UGT2A2: variants seen among roughly 807,000 people sequenced by gnomAD.
UGT2A2 encodes UDP glucuronosyltransferase family 2 member A2.
UGT2A2 carries 60 observed loss-of-function variants against 50.7 expected under a neutral mutation model. The ratio of observed to expected loss-of-function variants is 1.18; its 90% CI spans 0.96 to 1.47. UGT2A2 has a LOEUF of 1.47. UGT2A2 is among the 40% of genes most tolerant of loss of function. The pLI, the probability that UGT2A2 is intolerant of heterozygous loss-of-function variation, is 0.00. For synonymous variants in UGT2A2, 242 were observed against 214.6 expected, an observed-to-expected ratio of 1.13 and a Z score of -1.11; for missense variants, 762 against 634.0, an observed-to-expected ratio of 1.20 and a Z score of -2.17.
intron 1 of UGT2A2, among the ~76,000 whole-genome samples, chr4:69,634,861 A>G (rs1395755483): frequency 6.6e-6 from 1 of 152,160 alleles, no homozygotes; most frequent in Non-Finnish European, 1.5e-5. Flanking sequence ...GAATGAGACA[A>G]AATGCCCATT....
intron 1 of UGT2A2, among the ~76,000 whole-genome samples, chr4:69,625,064 A>G (rs1204193022): frequency 6.6e-6 from 1 of 151,236 alleles, no homozygotes; most frequent in Non-Finnish European, 1.5e-5. Flanking sequence ...TGCTGGGAAT[A>G]TATGTATTAA....
intron 1 of UGT2A2, among the ~76,000 whole-genome samples, chr4:69,629,270 C>T (rs1408041776): frequency 2.0e-5 from 3 of 152,094 alleles, no homozygotes; most frequent in African/African-American, 7.2e-5. Context: ...GAATAGCGTT[C>T]ATTCAGGAGG....
At chr4:69,615,768 G>A (rs1286187677) in intron 1 of UGT2A2, among the ~76,000 whole-genome samples, 1 of 151,988 alleles carries the variant, frequency 6.6e-6, no homozygotes, top group Non-Finnish European at 1.5e-5. Context: ...ACAAATGCTG[G>A]TGAGGATATG....
intron 5 of UGT2A2, among the ~76,000 whole-genome samples, chr4:69,590,676 T>C (rs1288193501): frequency 6.6e-6 from 1 of 152,022 alleles, no homozygotes; most frequent in African/African-American, 2.4e-5. Context: ...TGTCTGTCTG[T>C]CTAGTGAAAA....
chr4:69,634,225 A>G (rs1309171809), intron 1 of UGT2A2, among the ~76,000 whole-genome samples: 1 of 151,778 alleles, frequency 6.6e-6, no homozygotes, highest in African/African-American at 2.4e-5. Context: ...AGCCTGAGCG[A>G]CAGAGCGAGA....
chr4:69,603,702 C>G (rs1719433685), intron 1 of UGT2A2: 1 of 135,740 alleles, frequency 7.4e-6, no homozygotes, highest in African/African-American at 3.0e-5. Context: ...CTAGAATCAC[C>G]AATGAAGAAA....
chr4:69,624,153 G>A (rs867926411), intron 1 of UGT2A2, among the ~76,000 whole-genome samples: 10 of 151,166 alleles, frequency 6.6e-5, no homozygotes, highest in African/African-American at 1.9e-4. Flanking sequence ...CTTTCTTTAC[G>A]TTGATCCTCT....
intron 1 of UGT2A2, among the ~76,000 whole-genome samples, chr4:69,600,631 T>G (rs73824169): frequency 6.6e-6 from 1 of 152,090 alleles, no homozygotes; most frequent in Admixed American, 6.5e-5. Flanking sequence ...TTTATTTTTT[T>G]AAAAAGAGGT....
chr4:69,592,524 G>C (rs1835826), intron 5 of UGT2A2, among the ~76,000 whole-genome samples: 27,636 of 152,120 alleles, frequency 0.18, 2,850 homozygotes, highest in Non-Finnish European at 0.24. Flanking sequence ...GTGATAAGGA[G>C]ATAGGTGAGC....
chr4:69,626,119 T>G (rs1037269663), intron 1 of UGT2A2, among the ~76,000 whole-genome samples: 5 of 151,608 alleles, frequency 3.3e-5, no homozygotes, highest in African/African-American at 4.8e-5. Flanking sequence ...TCATAACTTT[T>G]TTTTCTGATT....
intron 1 of UGT2A2, among the ~76,000 whole-genome samples, chr4:69,607,918 C>A (rs1252829245): frequency 2.0e-5 from 3 of 152,136 alleles, no homozygotes; most frequent in Admixed American, 6.5e-5. Context: ...AGTCAGGAAA[C>A]AACAGGTGCT....
At chr4:69,604,945 G>C (rs1719517378) in intron 1 of UGT2A2, among the ~76,000 whole-genome samples, 1 of 136,376 alleles carries the variant, frequency 7.3e-6, no homozygotes, top group African/African-American at 3.0e-5. Context: ...CCTAGAAAGA[G>C]ACTTAGACTC....
intron 1 of UGT2A2, among the ~76,000 whole-genome samples, chr4:69,600,203 AC>A (rs953240818): frequency 2.0e-5 from 3 of 152,184 alleles, no homozygotes; most frequent in Admixed American, 6.5e-5. Flanking sequence ...AATCCAGACC[AC>A]GGGGAAATGC....
chr4:69,633,974 G>A (rs1267395400), intron 1 of UGT2A2, among the ~76,000 whole-genome samples: 1 of 152,092 alleles, frequency 6.6e-6, no homozygotes, highest in Non-Finnish European at 1.5e-5. Flanking sequence ...GGCCGCGCGC[G>A]GTGGCTCACG....
intron 5 of UGT2A2, among the ~76,000 whole-genome samples, chr4:69,593,349 C>A (rs1463475842): frequency 2.6e-5 from 4 of 151,804 alleles, no homozygotes; most frequent in Admixed American, 2.0e-4. Flanking sequence ...AGTAAAATTA[C>A]AACATAAGTA....
At position 69,627,723 on chromosome 4, in the gene UGT2A2, T is replaced by C. The variant is rs183472872; in HGVS notation, c.742+11176A>G. On this transcript the variant is annotated intron_variant, in intron 1 of 5. Coordinates refer to ENST00000604629, the MANE Select transcript of UGT2A2 (RefSeq NM_001105677.2). ...AAACACTCATGAATACAAAGGCAAG[T>C]GTCCCTGTATCAAATTATGAGCAAA... 4.3e-3 allele frequency among the ~76,000 whole-genome samples: 653 copies of C among 151,964 alleles called. 9 individuals are homozygous for C. Among genetic ancestry groups the C allele is most frequent in the South Asian group, 0.013 (63 of 4,796 alleles).
At chr4:69,616,217 C>T (rs147042724) in intron 1 of UGT2A2, among the ~76,000 whole-genome samples, 169 of 151,688 alleles carry the variant, frequency 1.1e-3, no homozygotes, top group Middle Eastern at 6.8e-3. Flanking sequence ...GAGATGGTTA[C>T]CAGAGGCTGG....
intron 1 of UGT2A2, among the ~76,000 whole-genome samples, chr4:69,611,562 C>A (rs756633828): frequency 2.6e-5 from 4 of 152,026 alleles, no homozygotes; most frequent in African/African-American, 9.6e-5. Context: ...TTCTCCAAAT[C>A]TGTGTGTTAG....
At chr4:69,600,353 A>G (rs34021488) in intron 1 of UGT2A2, among the ~76,000 whole-genome samples, 6,988 of 152,306 alleles carry the variant, frequency 0.046, 240 homozygotes, top group Middle Eastern at 0.12. Flanking sequence ...CTATATCACA[A>G]GGGACCTTGC....
Sources: gnomAD v4.1 joint callset for allele counts (sites outside exome capture counted in the v4.1 genomes callset) on GRCh38, gnomAD v4.1.1 for gene constraint, MANE v1.5 for transcripts, NCBI Gene and HGNC (gene_info 2026-07-23, HGNC 2026-07-21) for gene names.